The following SLC38A1 variants were observed in gnomAD, a reference collection of about 807,000 sequenced individuals.
SLC38A1 encodes the protein solute carrier family 38 member 1.
Under a neutral mutation model 60.3 loss-of-function variants are expected in SLC38A1, and 18 were observed. The ratio of observed to expected loss-of-function variants is 0.30; its 90% confidence interval spans 0.21 to 0.44. SLC38A1 has a LOEUF of 0.44. SLC38A1 is among the 20% of genes least tolerant of loss of function. The pLI is 1.00. For missense variants in SLC38A1, 448 were observed against 587.2 expected, an observed-to-expected ratio of 0.76 and a Z score of 2.45; for synonymous variants, 196 against 212.1, an observed-to-expected ratio of 0.92 and a Z score of 0.66.
intron 1 of SLC38A1, among the ~76,000 whole-genome samples, chr12:46,264,617 A>AT (rs1942296843): frequency 1.3e-5 from 2 of 152,224 alleles, no homozygotes; most frequent in Admixed American, 1.3e-4. Context: ...TTTACTTAAA[A>AT]TTTTTTTATT....
chr12:46,188,544 T>C lies in SLC38A1; in HGVS notation c.*426A>G, dbSNP rs1204312281. The C allele has an allele frequency of 3.9e-5, 6 of 154,242 alleles. No homozygotes were observed. Among genetic ancestry groups the C allele is most frequent in the Non-Finnish European group, 7.2e-5 (5 of 69,134 alleles). The allele number at this position is 154,242 out of a possible 1,614,324, so 9.6% of individuals were successfully genotyped here. On this transcript the variant is annotated 3_prime_UTR_variant, in exon 17 of 17. Transcript: ENST00000398637. ...CAAAATAAATATATACAATTCAAGA[T>C]TCTTTTCTCTTCTAAAAAGGTACAG...
chr12:46,247,928 C>T lies in SLC38A1; in HGVS notation c.-208-4614G>A, dbSNP rs1009733365. ...TTTCAACCCAGAATTTCATATCCAG[C>T]GAAACTAAGCTTCATAAGTGAAGGA... On this transcript the variant is annotated intron_variant, in intron 1 of 16. Transcript: ENST00000398637. Among the ~76,000 whole-genome samples, 8 of 152,248 alleles carry T rather than the reference C, an allele frequency of 5.3e-5. No homozygotes were observed. In the East Asian group the frequency reaches 7.7e-4, roughly 15 times the overall value.
In SLC38A1 at chr12:46,184,004, A is replaced by G. The variant is rs540567459; in HGVS notation, c.*4966T>C. 1 of 152,660 alleles carries G rather than the reference A, an allele frequency of 6.6e-6. No homozygotes were observed. The highest frequency in any genetic ancestry group is 1.5e-5 in the Non-Finnish European group (1 of 68,042). The allele number at this position is 152,660 out of a possible 1,614,324, so 9.5% of individuals were successfully genotyped here. A position where few individuals can be genotyped will look rare whatever the true frequency, so the allele number is the denominator to read the frequency against. ...TACAGCCTCCTATTTATTTACAATA[A>G]TATTTACATACAAATGAAGTATTTC... On this transcript the variant is annotated 3_prime_UTR_variant, in exon 17 of 17. Coordinates refer to ENST00000398637, the MANE Select transcript of SLC38A1 (RefSeq NM_030674.4).
intron 16 of SLC38A1, among the ~76,000 whole-genome samples, chr12:46,192,693 C>T (rs918217231): frequency 7.9e-5 from 12 of 152,172 alleles, no homozygotes; most frequent in African/African-American, 2.9e-4. Flanking sequence ...TTATACATTT[C>T]TTCTAGATTT....
At chr12:46,196,407 A>G in intron 16 of SLC38A1, 1 of 1,252,826 alleles carries the variant, frequency 8.0e-7, no homozygotes, top group East Asian at 2.6e-5. Context: ...AGACCCTACT[A>G]CTAGTTTCAT....
intron 5 of SLC38A1, among the ~76,000 whole-genome samples, chr12:46,220,831 T>C (rs1204567355): frequency 1.3e-5 from 2 of 152,190 alleles, no homozygotes; most frequent in African/African-American, 4.8e-5. Context: ...GTGATGCTGG[T>C]GCAATTGGTT....
chr12:46,201,561 G>C (rs917923432), intron 12 of SLC38A1, among the ~76,000 whole-genome samples: 1 of 152,140 alleles, frequency 6.6e-6, no homozygotes, highest in African/African-American at 2.4e-5. Flanking sequence ...CCTAGCTCCA[G>C]AGATTAGTGG....
chr12:46,189,142 A>T (rs1216364811), intron 16 of SLC38A1, 71 bp from the exon 17 acceptor site: 4 of 1,136,776 alleles, frequency 3.5e-6, no homozygotes, highest in East Asian at 2.4e-5. Flanking sequence ...GGGGAAAAAA[A>T]ATAGAACAGT....
chr12:46,232,319 G>A (rs1209399056), intron 3 of SLC38A1, among the ~76,000 whole-genome samples: 13 of 152,142 alleles, frequency 8.5e-5, no homozygotes, highest in Admixed American at 8.5e-4. Flanking sequence ...AAGGAGTCCA[G>A]AGAAGGAAAA....
At chr12:46,201,049 T>C (rs770806213) in intron 13 of SLC38A1, 49 bp downstream of exon 13, 47 of 1,299,386 alleles carry the variant, frequency 3.6e-5, no homozygotes, top group Non-Finnish European at 3.4e-5. Flanking sequence ...TAATTTTTAC[T>C]AATTTGTTTA....
chr12:46,207,417 T>C, intron 7 of SLC38A1, 112 bp downstream of exon 7: 3 of 1,146,750 alleles, frequency 2.6e-6, no homozygotes, highest in East Asian at 2.4e-5. Flanking sequence ...ACTTTCCCTG[T>C]GCCATTTTAG....
intron 5 of SLC38A1, among the ~76,000 whole-genome samples, chr12:46,217,996 A>G (rs950234987): frequency 6.6e-6 from 1 of 152,264 alleles, no homozygotes. Context: ...CAATTCAAAT[A>G]GTATCTAATA....
chr12:46,226,611 G>A (rs1940872572), intron 5 of SLC38A1, among the ~76,000 whole-genome samples: 1 of 128,940 alleles, frequency 7.8e-6, no homozygotes, highest in African/African-American at 2.7e-5. Context: ...GAAGGTCATG[G>A]ATTTCCTTTT....
chr12:46,256,382 T>C (rs1942023169), intron 1 of SLC38A1, among the ~76,000 whole-genome samples: 1 of 152,102 alleles, frequency 6.6e-6, no homozygotes, highest in African/African-American at 2.4e-5. Flanking sequence ...AGCTTATTAT[T>C]ATTAAAGCAA....
At chr12:46,261,870 T>C (rs1259198996) in intron 1 of SLC38A1, among the ~76,000 whole-genome samples, 1 of 152,206 alleles carries the variant, frequency 6.6e-6, no homozygotes, top group East Asian at 1.9e-4. Context: ...AGGAGGTATT[T>C]GGCAATGCCT....
At chr12:46,218,993 T>C (rs916156511) in intron 5 of SLC38A1, among the ~76,000 whole-genome samples, 2 of 152,180 alleles carry the variant, frequency 1.3e-5, no homozygotes, top group African/African-American at 4.8e-5. Flanking sequence ...ATAATGATGT[T>C]ACCCCGAGGA....
At chr12:46,218,980 A>G (rs1353507805) in intron 5 of SLC38A1, among the ~76,000 whole-genome samples, 1 of 152,182 alleles carries the variant, frequency 6.6e-6, no homozygotes, top group African/African-American at 2.4e-5. Flanking sequence ...CTTAGGTTTT[A>G]CAATAATGAT....
chr12:46,184,071 G>A lies in SLC38A1; in HGVS notation c.*4899C>T, dbSNP rs542272775. On this transcript the variant is annotated 3_prime_UTR_variant, in exon 17 of 17. Transcript: ENST00000398637. ...CTGCATAGATTCTTCCTTTAAAAAC[G>A]TAAATTTGAGCCTGTATACAGATGG... 6 of 152,622 alleles carry A rather than the reference G, an allele frequency of 3.9e-5. No individual in the cohort carries two copies. In the South Asian group the frequency reaches 8.3e-4, roughly 21 times the overall value. The allele number at this position is 152,622 out of a possible 1,614,324, so 9.5% of individuals were successfully genotyped here.
At chr12:46,190,094 C>T (rs1196778942) in intron 16 of SLC38A1, among the ~76,000 whole-genome samples, 3 of 152,156 alleles carry the variant, frequency 2.0e-5, no homozygotes, top group Non-Finnish European at 4.4e-5. Context: ...CCGGGCCCCC[C>T]ACCCCACGAC....
Sources: gnomAD v4.1 joint callset for allele counts (sites outside exome capture counted in the v4.1 genomes callset) on GRCh38, gnomAD v4.1.1 for gene constraint, MANE v1.5 for transcripts, NCBI Gene and HGNC (gene_info 2026-07-23, HGNC 2026-07-21) for gene names.